Variants in SDK1 observed in about 807,000 individuals in gnomAD.
SDK1 encodes sidekick cell adhesion molecule 1.
SDK1 carries 157 observed loss-of-function variants against 245.5 expected under a neutral mutation model. The observed-to-expected ratio is 0.64, with a 90% CI of 0.56 to 0.73. The LOEUF (loss-of-function observed/expected upper bound fraction) is 0.73. SDK1 is among the 30% of genes least tolerant of loss of function. SDK1 has a pLI of 0.00. For synonymous variants in SDK1, 1,647 were observed against 1,278.5 expected (o/e 1.29, Z -6.15); for missense variants, 3,583 against 3,002.3 (o/e 1.19, Z -4.52).
chr7:3,495,899 G>A (rs1174232397), intron 1 of SDK1, among the ~76,000 whole-genome samples: 1 of 152,146 alleles, frequency 6.6e-6, no homozygotes, highest in Non-Finnish European at 1.5e-5. Context: ...GTATTCTAAC[G>A]AAGATCTGTT....
chr7:4,261,573 A>T (rs1239063369), intron 44 of SDK1, among the ~76,000 whole-genome samples: 3 of 152,162 alleles, frequency 2.0e-5, no homozygotes, highest in African/African-American at 7.2e-5. Flanking sequence ...CTGGCCGCTG[A>T]TGGGAATCCT....
intron 5 of SDK1, among the ~76,000 whole-genome samples, chr7:3,827,690 C>T (rs1779811039): frequency 6.6e-6 from 1 of 152,172 alleles, no homozygotes; most frequent in Non-Finnish European, 1.5e-5. Flanking sequence ...TTTGCAGGTG[C>T]AGGGCCATGT....
chr7:4,070,105 G>C (rs1584015401), intron 20 of SDK1, among the ~76,000 whole-genome samples: 1 of 152,226 alleles, frequency 6.6e-6, no homozygotes, highest in Non-Finnish European at 1.5e-5. Context: ...AACAACGGAA[G>C]TGTTAATATG....
At chr7:3,907,031 C>T (rs1393471664) in intron 5 of SDK1, among the ~76,000 whole-genome samples, 1 of 152,202 alleles carries the variant, frequency 6.6e-6, no homozygotes, top group Admixed American at 6.5e-5. Context: ...CACCTAGAAT[C>T]TTACGTCCTT....
At chr7:3,838,955 C>G (rs897956406) in intron 5 of SDK1, among the ~76,000 whole-genome samples, 1 of 152,176 alleles carries the variant, frequency 6.6e-6, no homozygotes, top group African/African-American at 2.4e-5. Flanking sequence ...TGAAGGCATT[C>G]GTTTGGGCAG....
intron 1 of SDK1, among the ~76,000 whole-genome samples, chr7:3,355,101 C>G (rs1780756524): frequency 1.3e-5 from 2 of 152,098 alleles, no homozygotes; most frequent in Admixed American, 1.3e-4. Context: ...TTTGTTAATT[C>G]CATTGACACA....
chr7:4,004,879 T>C (rs977479752), intron 14 of SDK1, among the ~76,000 whole-genome samples: 2 of 134,404 alleles, frequency 1.5e-5, no homozygotes, highest in Admixed American at 7.1e-5. Context: ...GGTCCATCCA[T>C]CGTACTGGTT....
intron 4 of SDK1, among the ~76,000 whole-genome samples, chr7:3,809,092 G>A (rs1306087880): frequency 6.6e-6 from 1 of 152,108 alleles, no homozygotes; most frequent in Admixed American, 6.5e-5. Flanking sequence ...TCTGCAGGCT[G>A]TACAGGAAGC....
At chr7:3,708,858 T>C (rs1784957033) in intron 4 of SDK1, among the ~76,000 whole-genome samples, 1 of 152,266 alleles carries the variant, frequency 6.6e-6, no homozygotes. Context: ...ATTCTGCCCA[T>C]GTGTATCTTT....
At chr7:3,910,562 C>G (rs1007252718) in intron 5 of SDK1, among the ~76,000 whole-genome samples, 6 of 152,176 alleles carry the variant, frequency 3.9e-5, no homozygotes, top group African/African-American at 1.4e-4. Flanking sequence ...CGCTACCATC[C>G]TAGTCTGAAG....
At chr7:4,062,413 G>T (rs1242313971) in intron 19 of SDK1, among the ~76,000 whole-genome samples, 5 of 152,020 alleles carry the variant, frequency 3.3e-5, no homozygotes, top group Non-Finnish European at 5.9e-5. Context: ...GAATCAGAAA[G>T]AAACATAAAA....
chr7:3,951,869 C>T lies in SDK1; in HGVS notation c.1099C>T (p.Pro367Ser), dbSNP rs1026597123. The stretch of plus-strand genomic sequence containing the variant: ...GCCATACGTCTGCGAGGCGGCGCTG[C>T]CGGGGAGCGCTTTTGAACCGGCCAG... ...TGPYVCEAALPGSAFEPARAT... is the reference protein window; with the variant it reads ...TGPYVCEAALSGSAFEPARAT... The change falls in exon 7 of 45, where the codon CCG becomes TCG. Residue 367 changes from proline to serine, a missense_variant. Transcript: ENST00000404826. 2 of 1,613,578 alleles carry T rather than the reference C, an allele frequency of 1.2e-6. No individual in the cohort carries two copies. The highest frequency in any genetic ancestry group is 2.7e-5 in the African/African-American group (2 of 74,934).
At chr7:4,124,544 G>T (rs1176266237) in intron 25 of SDK1, among the ~76,000 whole-genome samples, 1 of 152,178 alleles carries the variant, frequency 6.6e-6, no homozygotes, top group Non-Finnish European at 1.5e-5. Context: ...CAGTATGACC[G>T]CATCTTAACG....
At chr7:3,549,216 G>A (rs1200723175) in intron 1 of SDK1, among the ~76,000 whole-genome samples, 5 of 152,170 alleles carry the variant, frequency 3.3e-5, no homozygotes, top group Non-Finnish European at 2.9e-5. Flanking sequence ...AATTCATTCC[G>A]AAGGCTGTGA....
At chr7:3,857,103 A>C (rs1275200329) in intron 5 of SDK1, among the ~76,000 whole-genome samples, 1 of 152,192 alleles carries the variant, frequency 6.6e-6, no homozygotes, top group East Asian at 1.9e-4. Context: ...AATTACTCTT[A>C]GTCACCTGGG....
chr7:3,501,720 A>G (rs1418447644), intron 1 of SDK1, among the ~76,000 whole-genome samples: 1 of 152,156 alleles, frequency 6.6e-6, no homozygotes, highest in Non-Finnish European at 1.5e-5. Context: ...TAATTATCAT[A>G]ATGTTTTTAT....
intron 30 of SDK1, among the ~76,000 whole-genome samples, chr7:4,149,709 G>A (rs989966729): frequency 9.2e-5 from 14 of 152,148 alleles, no homozygotes; most frequent in African/African-American, 3.4e-4. Flanking sequence ...GGCTGGTTTG[G>A]TCACCCCAGG....
chr7:3,519,781 C>T (rs1252408472), intron 1 of SDK1, among the ~76,000 whole-genome samples: 1 of 151,930 alleles, frequency 6.6e-6, no homozygotes, highest in African/African-American at 2.4e-5. Flanking sequence ...TAATAGAATT[C>T]TATGAGGAGA....
At chr7:3,419,845 G>A (rs1779488782) in intron 1 of SDK1, among the ~76,000 whole-genome samples, 1 of 152,162 alleles carries the variant, frequency 6.6e-6, no homozygotes, top group Non-Finnish European at 1.5e-5. Context: ...GTATGGCCTG[G>A]TATTAATCCC....
Sources: gnomAD v4.1 joint callset for allele counts (sites outside exome capture counted in the v4.1 genomes callset) on GRCh38, gnomAD v4.1.1 for gene constraint, MANE v1.5 for transcripts, NCBI Gene and HGNC (gene_info 2026-07-23, HGNC 2026-07-21) for gene names.